The following SH3PXD2A variants were observed in gnomAD, a reference collection of about 807,000 sequenced individuals.
SH3PXD2A encodes SH3 and PX domains 2A.
Under a neutral mutation model 115.2 loss-of-function variants are expected in SH3PXD2A, and 32 were observed. That is an observed-to-expected ratio of 0.28 (90% CI 0.21 to 0.37). SH3PXD2A has a LOEUF of 0.37. SH3PXD2A is among the 10% of genes least tolerant of loss of function. The pLI is 1.00. For synonymous variants in SH3PXD2A, 610 were observed against 629.1 expected, an observed-to-expected ratio of 0.97 and a Z score of 0.45; for missense variants, 1,328 against 1,498.7, an observed-to-expected ratio of 0.89 and a Z score of 1.88.
intron 8 of SH3PXD2A, among the ~76,000 whole-genome samples, chr10:103,645,973 C>T (rs2037030264): frequency 3.3e-5 from 5 of 152,338 alleles, no homozygotes; most frequent in African/African-American, 4.8e-5. Context: ...CCTTGGCCTT[C>T]TTAACTGTAA....
chr10:103,745,575 G>T (rs1254453880), intron 3 of SH3PXD2A, among the ~76,000 whole-genome samples: 1 of 152,182 alleles, frequency 6.6e-6, no homozygotes, highest in Non-Finnish European at 1.5e-5. Context: ...TGAACAAATG[G>T]GATCTCTTAT....
chr10:103,806,888 G>A (rs908006321), intron 1 of SH3PXD2A, among the ~76,000 whole-genome samples: 3 of 152,176 alleles, frequency 2.0e-5, no homozygotes, highest in Non-Finnish European at 4.4e-5. Context: ...TGATGGAGGA[G>A]TGGAATCATC....
chr10:103,631,183 C>T (rs901932292), intron 8 of SH3PXD2A, among the ~76,000 whole-genome samples: 4 of 152,064 alleles, frequency 2.6e-5, no homozygotes, highest in East Asian at 1.9e-4. Context: ...GAGGATCAGT[C>T]GAGCCCAGGA....
At chr10:103,678,061 G>A (rs781361656) in intron 6 of SH3PXD2A, 1 of 1,215,552 alleles carries the variant, frequency 8.2e-7, no homozygotes, top group South Asian at 1.3e-5. Flanking sequence ...GCCCTTCAAA[G>A]AGATTTTTAG....
chr10:103,717,379 T>C (rs964084848), intron 5 of SH3PXD2A, among the ~76,000 whole-genome samples: 5 of 152,144 alleles, frequency 3.3e-5, no homozygotes, highest in Admixed American at 1.3e-4. Context: ...TTGCCAGCTC[T>C]AGGGAGGGCT....
chr10:103,830,859 A>T (rs1292070689), intron 1 of SH3PXD2A, among the ~76,000 whole-genome samples: 1 of 152,154 alleles, frequency 6.6e-6, no homozygotes, highest in African/African-American at 2.4e-5. Context: ...AGGAAAAGGG[A>T]TAGGATTGAG....
At chr10:103,724,475 G>C (rs1266880945) in intron 4 of SH3PXD2A, 114 bp from the exon 5 acceptor site, 1 of 584,840 alleles carries the variant, frequency 1.7e-6, no homozygotes, top group East Asian at 3.5e-5. Flanking sequence ...CTGAGCCATG[G>C]AAGACATGGT....
intron 6 of SH3PXD2A, among the ~76,000 whole-genome samples, chr10:103,685,552 C>T (rs957150612): frequency 1.3e-5 from 2 of 152,220 alleles, no homozygotes; most frequent in African/African-American, 4.8e-5. Context: ...CTGAAACCAG[C>T]GCTCTCTCCT....
intron 1 of SH3PXD2A, among the ~76,000 whole-genome samples, chr10:103,806,285 G>A (rs2039201914): frequency 6.6e-6 from 1 of 151,988 alleles, no homozygotes; most frequent in South Asian, 2.1e-4. Context: ...CCAGAGATAC[G>A]AGGACAATCT....
In SH3PXD2A at chr10:103,624,286, C is replaced by T. The variant is rs148536784; in HGVS notation, c.719-1733G>A. On this transcript the variant is annotated intron_variant, in intron 9 of 14. Coordinates refer to ENST00000369774, the MANE Select transcript of SH3PXD2A (RefSeq NM_001394015.1). ...CCTTTGGTACAGCAGCACAGAAGAC[C>T]GTGGTCTGTTCCGCATGTCCCAATA... Among the ~76,000 whole-genome samples, 221 of 152,334 alleles carry T rather than the reference C, an allele frequency of 1.5e-3. 1 individual carries two copies. Among genetic ancestry groups the T allele is most frequent in the African/African-American group, 4.2e-3 (175 of 41,572 alleles).
rs1452921999 is a variant in SH3PXD2A at position 103,598,888 on chromosome 10, G to GAGTT, written c.*2924_*2927dup. Reference sequence around the variant, plus strand: ...TTTGGGTTTGCAGGGTTTGTGCTGTGAGTTAGGGGGTGAGGGGGCGAGGTG... The same window carrying GAGTT: ...TTTGGGTTTGCAGGGTTTGTGCTGTGAGTTAGTTAGGGGGTGAGGGGGCGAGGTG... On this transcript the variant is annotated 3_prime_UTR_variant, in exon 15 of 15. Coordinates refer to ENST00000369774, the MANE Select transcript of SH3PXD2A (RefSeq NM_001394015.1). 2.6e-5 allele frequency: 4 copies of GAGTT among 152,702 alleles called. No individual in the cohort carries two copies. Among genetic ancestry groups the GAGTT allele is most frequent in the Admixed American group, 1.3e-4 (2 of 15,308 alleles). The allele number at this position is 152,702 out of a possible 1,614,324, so 9.5% of individuals were successfully genotyped here. A position where few individuals can be genotyped will look rare whatever the true frequency, so the allele number is the denominator to read the frequency against.
intron 1 of SH3PXD2A, among the ~76,000 whole-genome samples, chr10:103,832,272 G>A (rs571549664): frequency 1.3e-5 from 2 of 150,876 alleles, no homozygotes; most frequent in Non-Finnish European, 2.9e-5. Flanking sequence ...CAAATACATA[G>A]CAATAAAAAT....
intron 5 of SH3PXD2A, among the ~76,000 whole-genome samples, chr10:103,693,783 G>T (rs191216759): frequency 7.2e-5 from 11 of 152,072 alleles, no homozygotes; most frequent in African/African-American, 1.4e-4. Flanking sequence ...AGCGGGTAGT[G>T]GGGGGGACAG....
Position 103,639,993 on chromosome 10 carries a change from T to G in SH3PXD2A, c.605-12791A>C, listed in dbSNP as rs867381269. ...AGGGGAACAAAAAGGGTGTTTTCCC[T>G]GCTGTTCCAGCAAGAGAAAGAGTAA... is the stretch of plus-strand genomic sequence containing the variant. On this transcript the variant is annotated intron_variant, in intron 8 of 14. Coordinates refer to ENST00000369774, the MANE Select transcript of SH3PXD2A (RefSeq NM_001394015.1). Among the ~76,000 whole-genome samples the G allele has an allele frequency of 3.3e-5, 5 of 152,320 alleles. No homozygotes were observed. The South Asian group carries it at 1.0e-3, about 32-fold the overall frequency.
At chr10:103,814,017 A>AC (rs2039298633) in intron 1 of SH3PXD2A, among the ~76,000 whole-genome samples, 2 of 35,524 alleles carry the variant, frequency 5.6e-5, no homozygotes, top group South Asian at 4.1e-3. Flanking sequence ...AAAAAAAAAC[A>AC]ACAAAAAAAA....
intron 2 of SH3PXD2A, among the ~76,000 whole-genome samples, chr10:103,782,641 C>G (rs959060182): frequency 6.6e-6 from 1 of 151,934 alleles, no homozygotes; most frequent in African/African-American, 2.4e-5. Flanking sequence ...ATCCTGCTCT[C>G]TGAAAGCTCA....
chr10:103,701,740 C>CCATCCATCCAT (rs1564868094), intron 5 of SH3PXD2A, among the ~76,000 whole-genome samples: 2 of 18,196 alleles, frequency 1.1e-4, no homozygotes, highest in African/African-American at 3.4e-4. Flanking sequence ...ATTCATCCAG[C>CCATCCATCCAT]CATCCATCCG....
At position 103,714,078 on chromosome 10, in the gene SH3PXD2A, T is replaced by G. The variant is rs575967341; in HGVS notation, c.398+10192A>C. ...GTTCAGTTCTGCCTTAAACTCCCCA[T>G]GGAGGGGTAACTACCCAGGGACTAG... On this transcript the variant is annotated intron_variant, in intron 5 of 14. Transcript: ENST00000369774. 9.2e-5 allele frequency among the ~76,000 whole-genome samples: 14 copies of G among 152,244 alleles called. 1 individual carries two copies. The South Asian group carries it at 2.9e-3, about 32-fold the overall frequency.
intron 5 of SH3PXD2A, among the ~76,000 whole-genome samples, chr10:103,718,499 G>A (rs965162428): frequency 4.6e-5 from 4 of 86,908 alleles, no homozygotes; most frequent in Admixed American, 1.2e-4. Context: ...GGGCTGGGGG[G>A]CTGGAGGGGC....
Sources: gnomAD v4.1 joint callset for allele counts (sites outside exome capture counted in the v4.1 genomes callset) on GRCh38, gnomAD v4.1.1 for gene constraint, MANE v1.5 for transcripts, NCBI Gene and HGNC (gene_info 2026-07-23, HGNC 2026-07-21) for gene names.